SMOC2: variants seen among roughly 807,000 people sequenced by gnomAD.
SMOC2 encodes SPARC related modular calcium binding 2.
SMOC2 carries 39 observed loss-of-function variants against 61.4 expected under a neutral mutation model. The observed-to-expected ratio is 0.64, with a 90% confidence interval of 0.49 to 0.83. The LOEUF is 0.83. Ranked by LOEUF, SMOC2 falls within the 40% of genes least tolerant of loss-of-function variation. The pLI is 0.00. For missense variants in SMOC2, 556 were observed against 592.9 expected, an observed-to-expected ratio of 0.94 and a Z score of 0.65; for synonymous variants, 247 against 239.9, an observed-to-expected ratio of 1.03 and a Z score of -0.27.
intron 1 of SMOC2, among the ~76,000 whole-genome samples, chr6:168,451,999 C>T (rs151193911): frequency 4.6e-5 from 7 of 152,288 alleles, no homozygotes; most frequent in Non-Finnish European, 1.0e-4. Context: ...CTCCCAGGTT[C>T]CCTGGTTCCA....
chr6:168,646,525 T>C (rs1241182525), intron 9 of SMOC2, among the ~76,000 whole-genome samples: 1 of 152,242 alleles, frequency 6.6e-6, no homozygotes, highest in Non-Finnish European at 1.5e-5. Context: ...TACATAAACT[T>C]ACTGAAACAG....
intron 9 of SMOC2, among the ~76,000 whole-genome samples, chr6:168,615,735 C>G (rs1449373297): frequency 1.3e-5 from 2 of 150,988 alleles, no homozygotes; most frequent in Admixed American, 6.6e-5. Context: ...CTCTTCATAC[C>G]TACAGCCAGC....
chr6:168,584,968 T>A (rs1460949146), intron 7 of SMOC2, among the ~76,000 whole-genome samples: 5 of 152,140 alleles, frequency 3.3e-5, no homozygotes, highest in African/African-American at 4.8e-5. Flanking sequence ...ATACATTACA[T>A]TTTTTTAAAA....
In SMOC2 at chr6:168,667,377, C is replaced by T. The variant is rs950291606; in HGVS notation, c.*939C>T. The T allele has an allele frequency of 6.6e-6, 1 of 152,232 alleles. No individual in the cohort carries two copies. Among genetic ancestry groups the T allele is most frequent in the African/African-American group, 2.4e-5 (1 of 41,460 alleles). 9.4% of individuals were successfully genotyped at this position (152,232 alleles called of 1,614,324 possible). On this transcript the variant is annotated 3_prime_UTR_variant, in exon 13 of 13. Transcript: ENST00000356284. Reference sequence around the variant, plus strand: ...GAACCAATTATGAGCAGTCTCCTTACTGAAGGTACAGCCGGATACGTGGTG... The same window carrying T: ...GAACCAATTATGAGCAGTCTCCTTATTGAAGGTACAGCCGGATACGTGGTG...
chr6:168,496,610 G>A (rs138564659), intron 1 of SMOC2, among the ~76,000 whole-genome samples: 17 of 152,312 alleles, frequency 1.1e-4, no homozygotes, highest in Admixed American at 1.0e-3. Flanking sequence ...TTTCTTCTGA[G>A]AGGTTTCTTC....
chr6:168,633,363 A>C (rs1786620779), intron 9 of SMOC2, among the ~76,000 whole-genome samples: 1 of 152,180 alleles, frequency 6.6e-6, no homozygotes, highest in Admixed American at 6.5e-5. Context: ...TAGATGGTCC[A>C]AGATATGCGG....
intron 7 of SMOC2, among the ~76,000 whole-genome samples, chr6:168,565,385 C>CG (rs1426038280): frequency 2.0e-5 from 3 of 152,082 alleles, no homozygotes; most frequent in Non-Finnish European, 2.9e-5. Context: ...GTCTTCTCTC[C>CG]GTGGTCTTCC....
chr6:168,476,338 A>G (rs1056673126), intron 1 of SMOC2, among the ~76,000 whole-genome samples: 1 of 152,048 alleles, frequency 6.6e-6, no homozygotes, highest in Admixed American at 6.5e-5. Flanking sequence ...TGAAGAGAAC[A>G]TGGCAGTTTC....
At chr6:168,631,870 A>T (rs74722776) in intron 9 of SMOC2, among the ~76,000 whole-genome samples, 1 of 152,176 alleles carries the variant, frequency 6.6e-6, no homozygotes, top group African/African-American at 2.4e-5. Context: ...CAGAGTGAAG[A>T]GTTCATTTCC....
intron 1 of SMOC2, 21 bp from the exon 2 acceptor site, chr6:168,509,894 C>A: frequency 6.3e-7 from 1 of 1,578,286 alleles, no homozygotes; most frequent in Non-Finnish European, 8.7e-7. Flanking sequence ...ATTTGTCTGG[C>A]TTCTTTTTTT....
intron 11 of SMOC2, 77 bp downstream of exon 11, chr6:168,653,305 A>C: frequency 4.7e-6 from 7 of 1,500,434 alleles, no homozygotes; most frequent in Non-Finnish European, 6.3e-6. Flanking sequence ...CACAAACACA[A>C]TTACAGATTG....
intron 9 of SMOC2, among the ~76,000 whole-genome samples, chr6:168,613,864 C>T (rs1297422083): frequency 9.4e-6 from 1 of 105,830 alleles, no homozygotes; most frequent in Non-Finnish European, 2.0e-5. Flanking sequence ...GGGGCCTCTT[C>T]ACACCTACAG....
chr6:168,575,662 C>T (rs55872779), intron 7 of SMOC2, among the ~76,000 whole-genome samples: 2,437 of 152,198 alleles, frequency 0.016, 60 homozygotes, highest in African/African-American at 0.056. Flanking sequence ...CAAAAACATC[C>T]AAAAAATAAA....
At chr6:168,592,042 G>C (rs909169353) in intron 7 of SMOC2, among the ~76,000 whole-genome samples, 1 of 152,042 alleles carries the variant, frequency 6.6e-6, no homozygotes, top group Non-Finnish European at 1.5e-5. Context: ...TTGGTTCCTT[G>C]TCCCCACTTA....
chr6:168,475,930 G>A lies in SMOC2; in HGVS notation c.85-33985G>A, dbSNP rs1194852744. Among the ~76,000 whole-genome samples, 1 of 151,946 alleles carries A rather than the reference G, an allele frequency of 6.6e-6. No individual in the cohort carries two copies. The highest frequency in any genetic ancestry group is 2.4e-5 in the African/African-American group (1 of 41,406). On this transcript the variant is annotated intron_variant, in intron 1 of 12. Transcript: ENST00000356284. This position sits in a 1 kb window ranked among gnomAD's most constrained non-coding sequence, Gnocchi z 4.6. Reference sequence around the variant, plus strand: ...GGGGCAGGCAGGAGCAGGTGGACCAGGAGGCGTGGAAGGGCTGAGGTTTGC... The same window carrying A: ...GGGGCAGGCAGGAGCAGGTGGACCAAGAGGCGTGGAAGGGCTGAGGTTTGC...
chr6:168,546,910 G>A (rs1255531898), intron 5 of SMOC2, among the ~76,000 whole-genome samples: 5 of 152,132 alleles, frequency 3.3e-5, no homozygotes, highest in East Asian at 1.9e-4. Context: ...GTCTAGCCTC[G>A]AGCATTTTAA....
intron 7 of SMOC2, among the ~76,000 whole-genome samples, chr6:168,560,175 C>T (rs950704719): frequency 6.6e-6 from 1 of 152,188 alleles, no homozygotes; most frequent in African/African-American, 2.4e-5. Context: ...TATGTACCTG[C>T]AGCCTACATT....
chr6:168,443,317 C>G (rs979241577), intron 1 of SMOC2, among the ~76,000 whole-genome samples: 1 of 152,132 alleles, frequency 6.6e-6, no homozygotes, highest in African/African-American at 2.4e-5. Context: ...TCTCCCCTGT[C>G]TCATCTAACT....
At chr6:168,532,935 T>C (rs1783646079) in intron 4 of SMOC2, among the ~76,000 whole-genome samples, 1 of 152,204 alleles carries the variant, frequency 6.6e-6, no homozygotes, top group Non-Finnish European at 1.5e-5. Context: ...AAGGAGTCCT[T>C]TCCCATTGCA....
Sources: allele counts gnomAD v4.1 joint callset (sites outside exome capture counted in the v4.1 genomes callset), GRCh38; gene constraint gnomAD v4.1.1; non-coding constraint Gnocchi (gnomAD v3.1); transcripts MANE v1.5; gene names NCBI Gene and HGNC (gene_info 2026-07-23, HGNC 2026-07-21).